GPR161: variants seen among roughly 807,000 people sequenced by gnomAD.
The protein encoded by GPR161 is G-protein coupled receptor RE2.
GPR161 carries 25 observed loss-of-function variants against 39.2 expected under a neutral mutation model. The ratio of observed to expected loss-of-function variants is 0.64; its 90% confidence interval spans 0.47 to 0.89. The LOEUF is 0.89. GPR161 is among the 40% of genes least tolerant of loss of function. The pLI is 0.00. For synonymous variants in GPR161, 286 were observed against 276.6 expected, an observed-to-expected ratio of 1.03 and a Z score of -0.34; for missense variants, 547 against 677.8, an observed-to-expected ratio of 0.81 and a Z score of 2.14.
intron 1 of GPR161, among the ~76,000 whole-genome samples, chr1:168,117,625 CGT>C (rs1282336171): frequency 2.0e-5 from 3 of 152,176 alleles, no homozygotes; most frequent in Non-Finnish European, 2.9e-5. Flanking sequence ...CTTAGTGCTA[CGT>C]GTTTGTTAAA....
At chr1:168,112,070 T>C (rs1336699443) in intron 1 of GPR161, among the ~76,000 whole-genome samples, 1 of 151,816 alleles carries the variant, frequency 6.6e-6, no homozygotes, top group East Asian at 1.9e-4. Context: ...ACTTCTGGGG[T>C]GAACAAAACC....
chr1:168,115,324 T>C (rs943752721), intron 1 of GPR161, among the ~76,000 whole-genome samples: 7 of 152,140 alleles, frequency 4.6e-5, no homozygotes, highest in Non-Finnish European at 1.0e-4. Flanking sequence ...TCATGATCTA[T>C]ATAACACATG....
At chr1:168,094,643 G>C (rs1695356170) in intron 3 of GPR161, among the ~76,000 whole-genome samples, 1 of 152,200 alleles carries the variant, frequency 6.6e-6, no homozygotes, top group African/African-American at 2.4e-5. Flanking sequence ...GTGGAAGAAA[G>C]ACCTATTTCA....
intron 2 of GPR161, among the ~76,000 whole-genome samples, chr1:168,102,203 C>T (rs1696169272): frequency 6.6e-6 from 1 of 152,250 alleles, no homozygotes. Context: ...AGTGAATACA[C>T]AGAAGCTGCT....
chr1:168,121,602 C>G (rs2102234280), intron 1 of GPR161, among the ~76,000 whole-genome samples: 1 of 152,300 alleles, frequency 6.6e-6, no homozygotes, highest in East Asian at 1.9e-4. Context: ...GGGAGAGTCT[C>G]AGGCCCCAAG....
intron 2 of GPR161, among the ~76,000 whole-genome samples, chr1:168,099,846 G>C (rs567689503): frequency 2.1e-5 from 3 of 143,694 alleles, no homozygotes; most frequent in Non-Finnish European, 4.6e-5. Flanking sequence ...TGGGGGGGGG[G>C]GGTTGGTGTG....
chr1:168,090,737 C>G (rs1694985096), intron 3 of GPR161, 69 bp from the exon 4 acceptor site: 5 of 718,536 alleles, frequency 7.0e-6, no homozygotes, highest in African/African-American at 3.6e-5. Flanking sequence ...CTCCGTTTCC[C>G]CACAGACCCA....
chr1:168,136,564 G>C (rs56091139), intron 1 of GPR161, 175 bp downstream of exon 1: 142 of 1,256,084 alleles, frequency 1.1e-4, no homozygotes, highest in Non-Finnish European at 1.4e-4. Context: ...AGTGCGGGCG[G>C]AGGACAGCCC....
At chr1:168,107,971 A>G (rs1285209158) in intron 1 of GPR161, among the ~76,000 whole-genome samples, 1 of 152,220 alleles carries the variant, frequency 6.6e-6, no homozygotes, top group African/African-American at 2.4e-5. Flanking sequence ...GTCTGTTTGC[A>G]TTGCTATAAA....
At chr1:168,119,840 T>C (rs1698014256) in intron 1 of GPR161, among the ~76,000 whole-genome samples, 1 of 152,152 alleles carries the variant, frequency 6.6e-6, no homozygotes. Flanking sequence ...TTCCACGTAG[T>C]GTTGGGCCTG....
chr1:168,096,961 T>C lies in GPR161; in HGVS notation c.646A>G (p.Arg216Gly). The change falls in exon 3 of 6, where the codon AGG (arginine) becomes GGG (glycine). Residue 216 changes from arginine to glycine, a missense_variant. Coordinates refer to ENST00000682931, the MANE Select transcript of GPR161 (RefSeq NM_001375883.1). Reference protein sequence around the residue: ...VCYGFIFRVARVKARKVHCGT... With the variant: ...VCYGFIFRVAGVKARKVHCGT... ...CAGTGCACCTTGCGTGCCTTGACCC[T>C]GGCCACGCGGAAGATGAAGCCATAG... is the stretch of plus-strand genomic sequence containing the variant. 1 of 1,614,120 alleles carries C rather than the reference T, an allele frequency of 6.2e-7. No homozygotes were observed. The highest frequency in any genetic ancestry group is 2.2e-5 in the East Asian group (1 of 44,872).
chr1:168,123,571 C>T (rs975670967), intron 1 of GPR161, among the ~76,000 whole-genome samples: 1 of 147,184 alleles, frequency 6.8e-6, no homozygotes, highest in Non-Finnish European at 1.5e-5. Flanking sequence ...CACACACACA[C>T]ACACACACTT....
rs1241398562 is a variant in GPR161 at position 168,136,839 on chromosome 1, T to A, written c.-145A>T. ...CTTCCTCCCCGCCGCGCTCCGGGAC[T>A]GGAGGTTTCGGGTTTCAGCCCACCG... is the stretch of plus-strand genomic sequence containing the variant. On this transcript the variant is annotated 5_prime_UTR_variant, in exon 1 of 6. Transcript: ENST00000682931. The A allele has an allele frequency of 6.6e-5, 65 of 982,780 alleles. No homozygotes were observed. The highest frequency in any genetic ancestry group is 7.6e-5 in the Non-Finnish European group (63 of 829,258). 60.9% of individuals were successfully genotyped at this position (982,780 alleles called of 1,614,324 possible). A position where few individuals can be genotyped will look rare whatever the true frequency, so the allele number is the denominator to read the frequency against.
chr1:168,107,056 C>T (rs1028244098), intron 1 of GPR161, among the ~76,000 whole-genome samples: 3 of 137,384 alleles, frequency 2.2e-5, no homozygotes, highest in African/African-American at 7.9e-5. Flanking sequence ...AACAAGCCTA[C>T]ACATGTACCC....
chr1:168,087,966 A>G (rs924206655), intron 4 of GPR161: 8 of 367,310 alleles, frequency 2.2e-5, no homozygotes, highest in South Asian at 3.7e-5. Flanking sequence ...ATCTGCCTCA[A>G]TGACCAGACC....
intron 1 of GPR161, among the ~76,000 whole-genome samples, chr1:168,130,970 C>A (rs1698943545): frequency 6.6e-6 from 1 of 152,170 alleles, no homozygotes; most frequent in Non-Finnish European, 1.5e-5. Flanking sequence ...CACTTTCTGA[C>A]TGTGTCACCA....
At position 168,131,606 on chromosome 1, in the gene GPR161, A is replaced by C. The variant is rs539669270; in HGVS notation, c.-45+5133T>G. Reference sequence around the variant, plus strand: ...ATTTAAAATATTTTTAAATGGAGAAAAGCAAAGAAAGAATGGAGAGAAAAG... The same window carrying C: ...ATTTAAAATATTTTTAAATGGAGAACAGCAAAGAAAGAATGGAGAGAAAAG... On this transcript the variant is annotated intron_variant, in intron 1 of 5. Coordinates refer to ENST00000682931, the MANE Select transcript of GPR161 (RefSeq NM_001375883.1). Among the ~76,000 whole-genome samples the C allele has an allele frequency of 1.1e-4, 16 of 152,322 alleles. No homozygotes were observed. In the South Asian group the frequency reaches 3.3e-3, roughly 32 times the overall value.
chr1:168,133,139 A>C (rs888525681), intron 1 of GPR161, among the ~76,000 whole-genome samples: 8 of 152,214 alleles, frequency 5.3e-5, no homozygotes, highest in African/African-American at 1.9e-4. Flanking sequence ...AAAAGGAAAA[A>C]GAGGGCTAGG....
At position 168,084,664 on chromosome 1, in the gene GPR161, T is replaced by A; in HGVS notation, c.*867A>T. On this transcript the variant is annotated 3_prime_UTR_variant, in exon 6 of 6. Transcript: ENST00000682931. ...GAATCTATTTAATGAGGCTTTCCCA[T>A]GTGAACAAATTCCCTTCCATAATAA... 1 of 368,492 alleles carries A rather than the reference T, an allele frequency of 2.7e-6. No individual in the cohort carries two copies. The highest frequency in any genetic ancestry group is 5.3e-6 in the Non-Finnish European group (1 of 189,966). The allele number at this position is 368,492 out of a possible 1,614,324, so 22.8% of individuals were successfully genotyped here.
Sources: gnomAD v4.1 joint callset for allele counts (sites outside exome capture counted in the v4.1 genomes callset) on GRCh38, gnomAD v4.1.1 for gene constraint, MANE v1.5 for transcripts, NCBI Gene and HGNC (gene_info 2026-07-23, HGNC 2026-07-21) for gene names.